TMTC2: variants seen among roughly 807,000 people sequenced by gnomAD.
The protein encoded by TMTC2 is transmembrane O-mannosyltransferase targeting cadherins 2, also known as protein O-mannosyl-transferase TMTC2.
A neutral mutation model predicts 82.4 loss-of-function variants in TMTC2; 43 were observed. The ratio of observed to expected loss-of-function variants is 0.52; its 90% confidence interval spans 0.41 to 0.67. The LOEUF (loss-of-function observed/expected upper bound fraction) is 0.67. Among genes scored for constraint, TMTC2 ranks in the 30% least tolerant of loss-of-function variants. The pLI is 0.00. For synonymous variants in TMTC2, 408 were observed against 381.9 expected, an observed-to-expected ratio of 1.07 and a Z score of -0.80; for missense variants, 919 against 1,012.4, an observed-to-expected ratio of 0.91 and a Z score of 1.25.
At chr12:82,871,741 G>A (rs1432947128) in intron 2 of TMTC2, among the ~76,000 whole-genome samples, 1 of 148,920 alleles carries the variant, frequency 6.7e-6, no homozygotes, top group African/African-American at 2.5e-5. Context: ...TTTCATGCTT[G>A]TGCATTTCAT....
intron 2 of TMTC2, among the ~76,000 whole-genome samples, chr12:82,881,178 G>T (rs1282614672): frequency 6.6e-6 from 1 of 152,130 alleles, no homozygotes; most frequent in African/African-American, 2.4e-5. Context: ...ATCAAAATAG[G>T]TATTCAGTAA....
chr12:82,779,001 C>T (rs1030020499), intron 1 of TMTC2, among the ~76,000 whole-genome samples: 39 of 147,446 alleles, frequency 2.6e-4, no homozygotes, highest in African/African-American at 8.5e-4. Flanking sequence ...TGCACCACTG[C>T]ACTCCAACCT....
intron 2 of TMTC2, among the ~76,000 whole-genome samples, chr12:82,864,525 C>T (rs1419339410): frequency 4.1e-5 from 5 of 120,952 alleles, no homozygotes; most frequent in South Asian, 2.6e-4. Flanking sequence ...TTTTGAGAGA[C>T]GGAGTCTCTG....
At chr12:82,996,234 A>G (rs963177934) in intron 8 of TMTC2, among the ~76,000 whole-genome samples, 4 of 152,224 alleles carry the variant, frequency 2.6e-5, no homozygotes, top group Non-Finnish European at 4.4e-5. Context: ...AATGTGATGT[A>G]TATAGTTTTC....
intron 7 of TMTC2, among the ~76,000 whole-genome samples, chr12:82,972,283 T>A (rs553601947): frequency 1.3e-5 from 2 of 152,270 alleles, no homozygotes; most frequent in South Asian, 4.1e-4. Context: ...CTTATGATAA[T>A]CTCTTGTTTT....
intron 11 of TMTC2, among the ~76,000 whole-genome samples, chr12:83,101,026 T>C (rs116017007): frequency 4.7e-4 from 71 of 152,354 alleles, no homozygotes; most frequent in African/African-American, 1.6e-3. Context: ...TAAACAATAT[T>C]GATCACATTT....
chr12:82,956,869 T>A (rs1236094889), intron 4 of TMTC2, among the ~76,000 whole-genome samples: 2 of 152,160 alleles, frequency 1.3e-5, no homozygotes, highest in Non-Finnish European at 2.9e-5. Flanking sequence ...CATTCCACAT[T>A]GGAACACCCA....
chr12:83,036,682 C>T (rs1338426967), intron 9 of TMTC2, among the ~76,000 whole-genome samples: 1 of 152,116 alleles, frequency 6.6e-6, no homozygotes, highest in South Asian at 2.1e-4. Context: ...TATTATTATA[C>T]TCTGTTTTTC....
chr12:82,951,287 A>C (rs1157063118), intron 4 of TMTC2, among the ~76,000 whole-genome samples: 1 of 106,100 alleles, frequency 9.4e-6, no homozygotes, highest in Non-Finnish European at 1.9e-5. Context: ...TACCCTTCCC[A>C]GTGGAATTTA....
intron 11 of TMTC2, among the ~76,000 whole-genome samples, chr12:83,099,324 C>T (rs73368047): frequency 0.027 from 4,180 of 152,174 alleles, 199 homozygotes; most frequent in African/African-American, 0.093. Flanking sequence ...ATAGAAACAA[C>T]CCATAGGCAA....
At chr12:82,735,506 C>A (rs886153703) in intron 1 of TMTC2, among the ~76,000 whole-genome samples, 2 of 151,788 alleles carry the variant, frequency 1.3e-5, no homozygotes, top group Non-Finnish European at 2.9e-5. Context: ...CCACCACGCC[C>A]GGCTAATTTT....
In TMTC2 at chr12:83,128,371, C is replaced by A. The variant is rs565979731; in HGVS notation, c.2332-3839C>A. On this transcript the variant is annotated intron_variant, in intron 11 of 11. Transcript: ENST00000321196. The stretch of plus-strand genomic sequence containing the variant: ...AAAAGGCTTTTCATACCTTATCCTT[C>A]TGTCTAATAACATTTAGTCATTTAT... Among the ~76,000 whole-genome samples, 77 of 151,738 alleles carry A rather than the reference C, an allele frequency of 5.1e-4. 1 individual carries two copies. Among genetic ancestry groups the A allele is most frequent in the African/African-American group, 1.8e-3 (74 of 41,374 alleles).
intron 1 of TMTC2, among the ~76,000 whole-genome samples, chr12:82,724,819 G>A (rs577822856): frequency 1.4e-4 from 22 of 152,154 alleles, no homozygotes; most frequent in Non-Finnish European, 2.8e-4. Context: ...ATAGATAGCA[G>A]TATCAGTATA....
At chr12:82,720,335 GC>G (rs1307463841) in intron 1 of TMTC2, among the ~76,000 whole-genome samples, 1 of 152,020 alleles carries the variant, frequency 6.6e-6, no homozygotes, top group Non-Finnish European at 1.5e-5. Flanking sequence ...TTCATAACTG[GC>G]CTCTTTTACT....
chr12:83,042,980 G>A (rs972917812), intron 9 of TMTC2, among the ~76,000 whole-genome samples: 6 of 152,112 alleles, frequency 3.9e-5, no homozygotes, highest in African/African-American at 4.8e-5. Context: ...TTTCTTGGCC[G>A]GTAACTGTGG....
intron 3 of TMTC2, among the ~76,000 whole-genome samples, chr12:82,927,657 T>G (rs1466322865): frequency 6.6e-6 from 1 of 152,198 alleles, no homozygotes; most frequent in Non-Finnish European, 1.5e-5. Context: ...TTAATTGATA[T>G]GGCAGACTTT....
intron 8 of TMTC2, among the ~76,000 whole-genome samples, chr12:82,995,445 A>G (rs1335312741): frequency 1.3e-5 from 2 of 152,138 alleles, no homozygotes; most frequent in African/African-American, 2.4e-5. Flanking sequence ...GGCCATGAAC[A>G]TGTTCACAAG....
At chr12:83,118,197 C>T (rs1005708401) in intron 11 of TMTC2, among the ~76,000 whole-genome samples, 1 of 152,084 alleles carries the variant, frequency 6.6e-6, no homozygotes, top group African/African-American at 2.4e-5. Flanking sequence ...CTAGGACTTC[C>T]AGTACTGTGT....
intron 9 of TMTC2, among the ~76,000 whole-genome samples, chr12:83,048,683 A>G (rs1485188946): frequency 6.6e-6 from 1 of 152,190 alleles, no homozygotes; most frequent in Non-Finnish European, 1.5e-5. Flanking sequence ...TTATTTATGA[A>G]TGAATGACAA....
Sources: allele counts gnomAD v4.1 joint callset (sites outside exome capture counted in the v4.1 genomes callset), GRCh38; gene constraint gnomAD v4.1.1; transcripts MANE v1.5; gene names NCBI Gene and HGNC (gene_info 2026-07-23, HGNC 2026-07-21).